CDC14A: variants seen among roughly 807,000 people sequenced by gnomAD.
The protein encoded by CDC14A is cell division cycle 14A.
CDC14A carries 53 observed loss-of-function variants against 74.4 expected under a neutral mutation model. The observed-to-expected ratio is 0.71, with a 90% CI of 0.57 to 0.89. The LOEUF (loss-of-function observed/expected upper bound fraction) is 0.89, where lower values mean the gene tolerates loss of function less well. Ranked by LOEUF, CDC14A falls within the 40% of genes least tolerant of loss-of-function variation. The pLI is 0.00. For synonymous variants in CDC14A, 247 were observed against 258.4 expected (o/e 0.96, Z 0.43); for missense variants, 646 against 713.7 (o/e 0.91, Z 1.08).
chr1:100,443,877 A>C (rs1665238838), intron 7 of CDC14A, among the ~76,000 whole-genome samples: 1 of 152,176 alleles, frequency 6.6e-6, no homozygotes, highest in Non-Finnish European at 1.5e-5. Context: ...AAAGATGAGA[A>C]GCCTGTACAA....
At chr1:100,416,798 C>CGT (rs1661585347) in intron 4 of CDC14A, among the ~76,000 whole-genome samples, 1 of 152,092 alleles carries the variant, frequency 6.6e-6, no homozygotes, top group Admixed American at 6.5e-5. Flanking sequence ...TTTATTCTTC[C>CGT]CGACAAACAA....
At chr1:100,393,203 C>CAGTGAG in intron 4 of CDC14A, 1 of 1,594,490 alleles carries the variant, frequency 6.3e-7, no homozygotes, top group Non-Finnish European at 8.6e-7. Flanking sequence ...GTTGCATGTT[C>CAGTGAG]TTTCTCTGCC....
At chr1:100,418,939 CT>C (rs1346355473) in intron 4 of CDC14A, among the ~76,000 whole-genome samples, 1 of 152,186 alleles carries the variant, frequency 6.6e-6, no homozygotes, top group African/African-American at 2.4e-5. Context: ...AATCCCAGCA[CT>C]TTGGGAGGCT....
chr1:100,469,173 A>G (rs545293037), intron 10 of CDC14A, among the ~76,000 whole-genome samples: 2 of 152,340 alleles, frequency 1.3e-5, no homozygotes, highest in East Asian at 1.9e-4. Flanking sequence ...TCGTAAAGAA[A>G]CGATCATGAA....
At position 100,360,846 on chromosome 1, in the gene CDC14A, G is replaced by C. The variant is rs906318917; in HGVS notation, c.140+6994G>C. 3.3e-5 allele frequency among the ~76,000 whole-genome samples: 5 copies of C among 152,152 alleles called. No homozygotes were observed. In the East Asian group the frequency reaches 9.6e-4, roughly 29 times the overall value. ...AAAAATGTAGCCGAGGTGCTAAGGA[G>C]AGTTATCTTAACAGGGCTAGTCATA... On this transcript the variant is annotated intron_variant, in intron 2 of 15. Transcript: ENST00000336454.
chr1:100,348,624 T>C (rs1650644933), upstream of CDC14A, among the ~76,000 whole-genome samples: 1 of 152,144 alleles, frequency 6.6e-6, no homozygotes, highest in Non-Finnish European at 1.5e-5. Flanking sequence ...CCATGTAATA[T>C]AAGACAATGT....
intron 11 of CDC14A, among the ~76,000 whole-genome samples, chr1:100,491,878 C>CTTTTTTTTTTT (rs1553196630): frequency 1.1e-4 from 16 of 142,132 alleles, no homozygotes; most frequent in Non-Finnish European, 1.1e-4. Context: ...AGCCAGATAC[C>CTTTTTTTTTTT]TTTTTTTGAG....
At chr1:100,394,565 GA>G (rs1254806907) in intron 4 of CDC14A, among the ~76,000 whole-genome samples, 2 of 152,196 alleles carry the variant, frequency 1.3e-5, no homozygotes, top group Admixed American at 6.5e-5. Flanking sequence ...TCTTCTGATG[GA>G]GAAGTTTCCA....
In CDC14A at chr1:100,485,003, A is replaced by G. The variant is rs949386683; in HGVS notation, c.1137+552A>G. On this transcript the variant is annotated intron_variant, in intron 11 of 15. Transcript: ENST00000336454. The stretch of plus-strand genomic sequence containing the variant: ...CTCTATTTTATAGGAAGGAAATTGC[A>G]TATCAGAGATGTTCTAACCTCAGTG... 4.5e-5 allele frequency: 44 copies of G among 984,086 alleles called. No homozygotes were observed. In the East Asian group the frequency reaches 6.8e-4, roughly 15 times the overall value. 61.0% of individuals were successfully genotyped at this position (984,086 alleles called of 1,614,324 possible).
chr1:100,433,058 T>G (rs901035285), intron 5 of CDC14A, among the ~76,000 whole-genome samples: 1 of 151,858 alleles, frequency 6.6e-6, no homozygotes, highest in Non-Finnish European at 1.5e-5. Context: ...TTTTTTTTTT[T>G]AAATAGAGAA....
intron 7 of CDC14A, among the ~76,000 whole-genome samples, chr1:100,453,040 ACTTC>A (rs1666304467): frequency 1.3e-5 from 2 of 152,144 alleles, no homozygotes; most frequent in Admixed American, 1.3e-4. Context: ...AAAAGCTGTA[ACTTC>A]CTTATTAATT....
chr1:100,410,789 G>A (rs965852159), intron 4 of CDC14A, among the ~76,000 whole-genome samples: 1 of 151,982 alleles, frequency 6.6e-6, no homozygotes, highest in Non-Finnish European at 1.5e-5. Flanking sequence ...AAAATTTGGG[G>A]GATTTAACCA....
intron 9 of CDC14A, 31 bp from the exon 10 acceptor site, chr1:100,467,925 A>G (rs367876420): frequency 2.5e-5 from 39 of 1,548,782 alleles, no homozygotes; most frequent in Non-Finnish European, 3.3e-5. Flanking sequence ...GCTAGACTTT[A>G]TATTTCTTAT....
intron 1 of CDC14A, among the ~76,000 whole-genome samples, chr1:100,346,377 C>G (rs1009788474): frequency 6.6e-6 from 1 of 151,998 alleles, no homozygotes; most frequent in Non-Finnish European, 1.5e-5. Flanking sequence ...CACCTGCAAT[C>G]TCAGCACTTT....
chr1:100,418,988 C>T (rs886568654), intron 4 of CDC14A, among the ~76,000 whole-genome samples: 2 of 152,008 alleles, frequency 1.3e-5, no homozygotes, highest in African/African-American at 4.8e-5. Context: ...AGTTTGAGAC[C>T]AGCCTGGCCA....
At chr1:100,462,626 G>A (rs1667420665) in intron 8 of CDC14A, 25 bp from the exon 9 acceptor site, 2 of 1,559,124 alleles carry the variant, frequency 1.3e-6, no homozygotes, top group Non-Finnish European at 1.8e-6. Context: ...CATGCCTTTT[G>A]CTTACTGCTC....
intron 2 of CDC14A, among the ~76,000 whole-genome samples, chr1:100,377,036 G>GTT (rs60831530): frequency 3.2e-4 from 44 of 138,246 alleles, no homozygotes; most frequent in South Asian, 7.0e-4. Context: ...AATTAGTTCT[G>GTT]TTTTTTTTTT....
At chr1:100,473,137 T>C (rs1480967566) in intron 10 of CDC14A, among the ~76,000 whole-genome samples, 1 of 152,128 alleles carries the variant, frequency 6.6e-6, no homozygotes, top group Non-Finnish European at 1.5e-5. Flanking sequence ...ATGTTAATCC[T>C]CTATATCGAT....
intron 4 of CDC14A, chr1:100,393,271 T>C: frequency 7.5e-7 from 1 of 1,339,472 alleles, no homozygotes; most frequent in Middle Eastern, 2.0e-4. Context: ...GCATGTTCAA[T>C]CATATGAACT....
Sources: allele counts gnomAD v4.1 joint callset (sites outside exome capture counted in the v4.1 genomes callset), GRCh38; gene constraint gnomAD v4.1.1; transcripts MANE v1.5; gene names NCBI Gene and HGNC (gene_info 2026-07-23, HGNC 2026-07-21).